The following CRPPA variants were observed in gnomAD, a reference collection of about 807,000 sequenced individuals.
CRPPA encodes the protein D-ribitol-5-phosphate cytidylyltransferase.
In CRPPA, 43 loss-of-function variants were observed where a neutral mutation model predicts 52.0. The ratio of observed to expected loss-of-function variants is 0.83; its 90% CI spans 0.65 to 1.07. The LOEUF (loss-of-function observed/expected upper bound fraction) is 1.07, where lower values mean the gene tolerates loss of function less well. Among genes scored for constraint, CRPPA ranks in the 50% least tolerant of loss-of-function variants. The pLI is 0.00. For synonymous variants in CRPPA, 250 were observed against 203.5 expected (o/e 1.23, Z -1.94); for missense variants, 629 against 551.7 (o/e 1.14, Z -1.40).
At chr7:16,121,749 A>G (rs572900988) in intron 9 of CRPPA, among the ~76,000 whole-genome samples, 1 of 152,240 alleles carries the variant, frequency 6.6e-6, no homozygotes, top group South Asian at 2.1e-4. Context: ...GTCATGCCAT[A>G]AAATGATAAG....
chr7:16,120,917 A>G (rs1166018601), intron 9 of CRPPA, among the ~76,000 whole-genome samples: 1 of 152,128 alleles, frequency 6.6e-6, no homozygotes, highest in African/African-American at 2.4e-5. Flanking sequence ...AGAGATAATG[A>G]TAAGGTTGAA....
chr7:16,265,321 G>GTACCAATA (rs1783925182), intron 6 of CRPPA, among the ~76,000 whole-genome samples: 1 of 152,142 alleles, frequency 6.6e-6, no homozygotes, highest in African/African-American at 2.4e-5. Flanking sequence ...CTATAACCAA[G>GTACCAATA]GTTCTGAGAC....
intron 9 of CRPPA, among the ~76,000 whole-genome samples, chr7:16,146,602 T>A (rs1351228499): frequency 6.6e-6 from 1 of 152,140 alleles, no homozygotes; most frequent in Non-Finnish European, 1.5e-5. Flanking sequence ...ATAAAAGATA[T>A]AAACTGTAAC....
At chr7:16,380,471 C>T (rs1181142003) in intron 2 of CRPPA, among the ~76,000 whole-genome samples, 1 of 152,128 alleles carries the variant, frequency 6.6e-6, no homozygotes, top group East Asian at 1.9e-4. Context: ...TGTGTCTCTG[C>T]CCGGCTTTGG....
chr7:16,371,389 C>A (rs914090759), intron 3 of CRPPA, among the ~76,000 whole-genome samples: 1 of 152,096 alleles, frequency 6.6e-6, no homozygotes, highest in Non-Finnish European at 1.5e-5. Flanking sequence ...GTACCCAACT[C>A]CTACAATCAG....
At chr7:16,146,037 G>T (rs1782967818) in intron 9 of CRPPA, among the ~76,000 whole-genome samples, 1 of 152,066 alleles carries the variant, frequency 6.6e-6, no homozygotes, top group African/African-American at 2.4e-5. Context: ...ATTGTGAGAA[G>T]TCAAAGACAA....
At chr7:16,396,963 C>T (rs769745972) in intron 2 of CRPPA, among the ~76,000 whole-genome samples, 18 of 152,224 alleles carry the variant, frequency 1.2e-4, no homozygotes, top group African/African-American at 3.6e-4. Flanking sequence ...ATGGAAGACA[C>T]GTGTGACACT....
intron 9 of CRPPA, among the ~76,000 whole-genome samples, chr7:16,129,855 T>C (rs555520547): frequency 6.6e-6 from 1 of 152,326 alleles, no homozygotes; most frequent in Admixed American, 6.5e-5. Context: ...CTCATTGGTA[T>C]CCAATTATAA....
At chr7:16,337,584 GA>G (rs894412625) in intron 3 of CRPPA, among the ~76,000 whole-genome samples, 2 of 150,026 alleles carry the variant, frequency 1.3e-5, no homozygotes, top group East Asian at 3.9e-4. Context: ...AAAACTACAG[GA>G]AAAAAAAATT....
At position 16,089,176 on chromosome 7, in the gene CRPPA, A is replaced by T. The variant is rs1274968540; in HGVS notation, c.*2519T>A. Reference sequence around the variant, plus strand: ...AAAACATAAAAATACATATATACGTACGTATATACATATATGTGTGTATAT... The same window carrying T: ...AAAACATAAAAATACATATATACGTTCGTATATACATATATGTGTGTATAT... On this transcript the variant is annotated 3_prime_UTR_variant, in exon 10 of 10. Coordinates refer to ENST00000407010, the MANE Select transcript of CRPPA (RefSeq NM_001101426.4). 6 of 304,786 alleles carry T rather than the reference A, an allele frequency of 2.0e-5. No homozygotes were observed. The highest frequency in any genetic ancestry group is 4.5e-5 in the Non-Finnish European group (6 of 134,204). 18.9% of individuals were successfully genotyped at this position (304,786 alleles called of 1,614,324 possible). A position where few individuals can be genotyped will look rare whatever the true frequency, so the allele number is the denominator to read the frequency against.
intron 9 of CRPPA, among the ~76,000 whole-genome samples, chr7:16,211,191 C>T (rs1449369711): frequency 6.6e-6 from 1 of 152,146 alleles, no homozygotes; most frequent in Admixed American, 6.5e-5. Flanking sequence ...AAGCTTACCG[C>T]CATTCTCTAA....
chr7:16,173,396 T>C (rs1781233733), intron 9 of CRPPA, among the ~76,000 whole-genome samples: 1 of 152,184 alleles, frequency 6.6e-6, no homozygotes, highest in African/African-American at 2.4e-5. Context: ...ATGACAAGTA[T>C]TGCTACTCTC....
intron 6 of CRPPA, chr7:16,270,084 T>G (rs994090345): frequency 6.6e-6 from 1 of 152,152 alleles, no homozygotes; most frequent in Non-Finnish European, 1.5e-5. Context: ...CATATTTACT[T>G]TATGTGTAAA....
chr7:16,178,813 A>T (rs1781354610), intron 9 of CRPPA, among the ~76,000 whole-genome samples: 2 of 152,128 alleles, frequency 1.3e-5, no homozygotes, highest in Admixed American at 1.3e-4. Context: ...TAAAAGATAA[A>T]TCTAGTATAC....
intron 3 of CRPPA, among the ~76,000 whole-genome samples, chr7:16,311,208 A>G (rs1785027542): frequency 6.6e-6 from 1 of 152,142 alleles, no homozygotes; most frequent in Non-Finnish European, 1.5e-5. Context: ...CCGTAGTTTA[A>G]TTACGACCCA....
At chr7:16,397,345 G>C (rs988816900) in intron 2 of CRPPA, among the ~76,000 whole-genome samples, 1 of 152,154 alleles carries the variant, frequency 6.6e-6, no homozygotes, top group Non-Finnish European at 1.5e-5. Context: ...TGACCAACAT[G>C]TGTTACAGGT....
At chr7:16,113,429 T>C (rs1782306774) in intron 9 of CRPPA, among the ~76,000 whole-genome samples, 1 of 152,046 alleles carries the variant, frequency 6.6e-6, no homozygotes, top group Non-Finnish European at 1.5e-5. Flanking sequence ...TTGTAAATTT[T>C]CCACCAACTA....
intron 1 of CRPPA, among the ~76,000 whole-genome samples, chr7:16,414,400 CA>C (rs1562692797): frequency 3.4e-4 from 47 of 138,024 alleles, no homozygotes; most frequent in Middle Eastern, 7.3e-3. Context: ...CACACACACA[CA>C]CCCCATGACA....
chr7:16,102,974 T>C (rs917711363), intron 9 of CRPPA, among the ~76,000 whole-genome samples: 8 of 152,232 alleles, frequency 5.3e-5, no homozygotes, highest in African/African-American at 1.9e-4. Flanking sequence ...CAAAGGATTA[T>C]AAATCATTCT....
Sources: gnomAD v4.1 joint callset for allele counts (sites outside exome capture counted in the v4.1 genomes callset) on GRCh38, gnomAD v4.1.1 for gene constraint, MANE v1.5 for transcripts, NCBI Gene and HGNC (gene_info 2026-07-23, HGNC 2026-07-21) for gene names.